The following DEFB107B variants were observed in gnomAD, a reference collection of about 807,000 sequenced individuals.
The protein encoded by DEFB107B is beta-defensin 107.
intron 1 of DEFB107B, among the ~76,000 whole-genome samples, chr8:7,496,506 T>C (rs1339685870): frequency 8.5e-5 from 13 of 152,214 alleles, no homozygotes; most frequent in Middle Eastern, 3.4e-3. Flanking sequence ...TTCACCGTGT[T>C]AGCCAGGATG....
At chr8:7,496,430 G>T (rs1811739974) in intron 1 of DEFB107B, among the ~76,000 whole-genome samples, 1 of 147,566 alleles carries the variant, frequency 6.8e-6, no homozygotes, top group Non-Finnish European at 1.5e-5. Context: ...CTCCCGAGTA[G>T]CTGGGACTAC....
At chr8:7,496,646 A>G (rs866273107) in intron 1 of DEFB107B, among the ~76,000 whole-genome samples, 1 of 109,646 alleles carries the variant, frequency 9.1e-6, no homozygotes, top group Non-Finnish European at 1.9e-5. Flanking sequence ...AAAAAAAAAA[A>G]AGAAAGAAAA....
At chr8:7,496,580 A>T (rs1162815600) in intron 1 of DEFB107B, among the ~76,000 whole-genome samples, 3 of 149,488 alleles carry the variant, frequency 2.0e-5, no homozygotes, top group South Asian at 4.2e-4. Flanking sequence ...GATTACAGGC[A>T]TGAGCCACCG....
rs1397474958 is a variant in DEFB107B at position 7,498,296 on chromosome 8, T to C, written c.70+2293T>C. On this transcript the variant is annotated intron_variant, in intron 1 of 1. Coordinates refer to ENST00000355602, the MANE Select transcript of DEFB107B (RefSeq NM_001040705.2). ...TTTCCCTATCTCAGTAGATGGAGCATACAATCAGGTTTTATACCGAGACAT... is the reference window on the plus strand; with the variant it reads ...TTTCCCTATCTCAGTAGATGGAGCACACAATCAGGTTTTATACCGAGACAT... 2.2e-4 allele frequency among the ~76,000 whole-genome samples: 2 copies of C among 9,020 alleles called. 1 individual carries two copies. The highest frequency in any genetic ancestry group is 5.9e-4 in the African/African-American group (2 of 3,372). The allele number at this position is 9,020 out of a possible 152,430, so 5.9% of individuals were successfully genotyped here. A position where few individuals can be genotyped will look rare whatever the true frequency, so the allele number is the denominator to read the frequency against.
chr8:7,508,502 C>A (rs1340196270), intron 1 of DEFB107B, among the ~76,000 whole-genome samples: 3 of 141,236 alleles, frequency 2.1e-5, no homozygotes, highest in African/African-American at 8.8e-5. Context: ...ACACACATTG[C>A]CTATGTCTCT....
At chr8:7,508,136 G>A (rs1811990009) in intron 1 of DEFB107B, among the ~76,000 whole-genome samples, 2 of 135,052 alleles carry the variant, frequency 1.5e-5, no homozygotes, top group Non-Finnish European at 1.5e-5. Context: ...TTGTCCAGTT[G>A]CCTGATAAAT....
intron 1 of DEFB107B, among the ~76,000 whole-genome samples, chr8:7,508,067 GTA>G (rs150230033): frequency 0.26 from 13,056 of 50,836 alleles, 2,353 homozygotes; most frequent in African/African-American, 0.54. Context: ...CCCTATACAT[GTA>G]TATATATATA....
chr8:7,496,963 C>T (rs1585540624), intron 1 of DEFB107B, among the ~76,000 whole-genome samples: 1 of 123,924 alleles, frequency 8.1e-6, no homozygotes, highest in African/African-American at 3.2e-5. Flanking sequence ...TGTTTATGTC[C>T]ATACCTCCTC....
At chr8:7,497,278 C>CTT (rs1811789969) in intron 1 of DEFB107B, among the ~76,000 whole-genome samples, 2 of 152,316 alleles carry the variant, frequency 1.3e-5, no homozygotes, top group Admixed American at 6.5e-5. Flanking sequence ...AAATAGGTTG[C>CTT]TTGTAGTGGT....
At chr8:7,507,809 CAT>C (rs1811975296) in intron 1 of DEFB107B, among the ~76,000 whole-genome samples, 1 of 142,838 alleles carries the variant, frequency 7.0e-6, no homozygotes, top group Non-Finnish European at 1.5e-5. Context: ...TTCATGTGGA[CAT>C]ATAGAAATAG....
chr8:7,502,874 T>C lies in DEFB107B; in HGVS notation c.71-6207T>C. Among the ~76,000 whole-genome samples, 2 of 23,100 alleles carry C rather than the reference T, an allele frequency of 8.7e-5. 1 individual carries two copies. The allele number at this position is 23,100 out of a possible 152,430, so 15.2% of individuals were successfully genotyped here. On this transcript the variant is annotated intron_variant, in intron 1 of 1. Transcript: ENST00000355602. ...TCTTTCGTTTCTGCAGCACATAAAA[T>C]ATCATCAATATAATGAATAATATAA...
intron 1 of DEFB107B, among the ~76,000 whole-genome samples, chr8:7,497,386 C>T (rs537406042): frequency 1.9e-3 from 290 of 151,776 alleles, no homozygotes; most frequent in Non-Finnish European, 2.8e-3. Context: ...TTCACAAGTG[C>T]CATAAAAGAT....
chr8:7,496,425 G>A (rs1414177608), intron 1 of DEFB107B, among the ~76,000 whole-genome samples: 4 of 142,082 alleles, frequency 2.8e-5, no homozygotes, highest in Non-Finnish European at 6.0e-5. Context: ...TCAGCCTCCC[G>A]AGTAGCTGGG....
At chr8:7,496,393 A>G (rs12681807) in intron 1 of DEFB107B, among the ~76,000 whole-genome samples, 18,159 of 93,998 alleles carry the variant, frequency 0.19, 54 homozygotes, top group African/African-American at 0.25. Context: ...TCTGCCTCCC[A>G]GGTTCATGCC....
At chr8:7,496,592 G>A (rs1320927654) in intron 1 of DEFB107B, among the ~76,000 whole-genome samples, 18 of 144,792 alleles carry the variant, frequency 1.2e-4, no homozygotes, top group African/African-American at 3.1e-4. Context: ...GAGCCACCGC[G>A]CCTGGCCAGC....
intron 1 of DEFB107B, among the ~76,000 whole-genome samples, chr8:7,496,435 G>T (rs1342423626): frequency 2.0e-5 from 3 of 149,074 alleles, no homozygotes; most frequent in Non-Finnish European, 4.5e-5. Context: ...GAGTAGCTGG[G>T]ACTACACGCA....
intron 1 of DEFB107B, among the ~76,000 whole-genome samples, chr8:7,496,494 G>A (rs1326589894): frequency 6.6e-6 from 1 of 151,988 alleles, no homozygotes; most frequent in Admixed American, 6.5e-5. Flanking sequence ...TAGAGACGGG[G>A]TTTCACCGTG....
At chr8:7,496,287 A>ATTTT (rs1811728281) in intron 1 of DEFB107B, among the ~76,000 whole-genome samples, 3 of 74,294 alleles carry the variant, frequency 4.0e-5, no homozygotes, top group Non-Finnish European at 5.4e-5. Context: ...GGTTCAGCAT[A>ATTTT]TTCTTTTTTT....
chr8:7,500,282 C>T, intron 1 of DEFB107B, among the ~76,000 whole-genome samples: 1 of 15,714 alleles, frequency 6.4e-5, no homozygotes, highest in African/African-American at 1.8e-4. Context: ...AATAATTTAC[C>T]CGTGGCCTGA....
Sources: gnomAD v4.1 joint callset for allele counts (sites outside exome capture counted in the v4.1 genomes callset) on GRCh38, gnomAD v4.1.1 for gene constraint, MANE v1.5 for transcripts, NCBI Gene and HGNC (gene_info 2026-07-23, HGNC 2026-07-21) for gene names.